Variants in KCNIP4 observed in about 807,000 individuals in gnomAD.
The protein encoded by KCNIP4 is Kv channel-interacting protein 4.
KCNIP4 carries 12 observed loss-of-function variants against 34.0 expected under a neutral mutation model. That is an observed-to-expected ratio of 0.35 (90% CI 0.23 to 0.57). The LOEUF (loss-of-function observed/expected upper bound fraction) is 0.57, where lower values mean the gene tolerates loss of function less well. Ranked by LOEUF, KCNIP4 falls within the 20% of genes least tolerant of loss-of-function variation. The pLI is 0.83. For synonymous variants in KCNIP4, 124 were observed against 102.2 expected (o/e 1.21, Z -1.29); for missense variants, 238 against 311.7 (o/e 0.76, Z 1.78).
At chr4:21,395,738 GTCA>G (rs934141331) in intron 1 of KCNIP4, among the ~76,000 whole-genome samples, 3 of 151,906 alleles carry the variant, frequency 2.0e-5, no homozygotes, top group Non-Finnish European at 2.9e-5. Context: ...ATACACATAT[GTCA>G]TCATCATCAT....
intron 1 of KCNIP4, among the ~76,000 whole-genome samples, chr4:21,672,284 T>C (rs2109010191): frequency 6.6e-6 from 1 of 152,274 alleles, no homozygotes; most frequent in East Asian, 1.9e-4. Context: ...AATATAATAA[T>C]TTAAAACAAA....
chr4:21,245,238 A>T (rs1309052651), intron 1 of KCNIP4, among the ~76,000 whole-genome samples: 1 of 152,204 alleles, frequency 6.6e-6, no homozygotes, highest in Non-Finnish European at 1.5e-5. Flanking sequence ...GCCTTTCACC[A>T]GGGAGTGAGA....
chr4:21,635,247 C>A (rs999654039), intron 1 of KCNIP4, among the ~76,000 whole-genome samples: 3 of 152,250 alleles, frequency 2.0e-5, no homozygotes, highest in Admixed American at 2.0e-4. Flanking sequence ...TAAATGGCAG[C>A]ATCCTTTCTA....
intron 1 of KCNIP4, among the ~76,000 whole-genome samples, chr4:21,588,481 T>C (rs7681243): frequency 0.068 from 10,270 of 152,036 alleles, 513 homozygotes; most frequent in African/African-American, 0.13. Flanking sequence ...TCTCCGATGG[T>C]TTGTAAGGCC....
At chr4:21,062,512 A>G (rs1449026580) in intron 1 of KCNIP4, among the ~76,000 whole-genome samples, 1 of 148,178 alleles carries the variant, frequency 6.7e-6, no homozygotes, top group Non-Finnish European at 1.5e-5. Context: ...AACCAATCAT[A>G]TATGTATGTG....
At chr4:20,988,792 G>A (rs1736820973) in intron 1 of KCNIP4, among the ~76,000 whole-genome samples, 2 of 152,156 alleles carry the variant, frequency 1.3e-5, no homozygotes, top group Admixed American at 6.5e-5. Flanking sequence ...GGAGACTCAG[G>A]AAAAACTCTC....
intron 1 of KCNIP4, among the ~76,000 whole-genome samples, chr4:21,132,398 C>T (rs34646819): frequency 0.012 from 1,799 of 152,276 alleles, 13 homozygotes; most frequent in South Asian, 0.02. Context: ...TTAGGAGAAG[C>T]CATTTATCCT....
rs558228136 is a variant in KCNIP4, at chr4:21,167,529, C to T, written c.62-284820G>A. 1.6e-4 allele frequency among the ~76,000 whole-genome samples: 25 copies of T among 152,272 alleles called. No individual in the cohort carries two copies. The South Asian group carries it at 5.0e-3, about 30-fold the overall frequency. Reference sequence around the variant, plus strand: ...GAATAGATAGTGTCTTTTCATTTAGCATGGCTAACATTTAACTTAAAAATT... The same window carrying T: ...GAATAGATAGTGTCTTTTCATTTAGTATGGCTAACATTTAACTTAAAAATT... On this transcript the variant is annotated intron_variant, in intron 1 of 8. Coordinates refer to ENST00000382152, the MANE Select transcript of KCNIP4 (RefSeq NM_025221.6).
At chr4:21,653,984 A>C (rs912137795) in intron 1 of KCNIP4, among the ~76,000 whole-genome samples, 4 of 152,206 alleles carry the variant, frequency 2.6e-5, no homozygotes, top group Non-Finnish European at 5.9e-5. Flanking sequence ...TTAATACTAG[A>C]AAGTACTCGA....
At chr4:21,143,871 T>A (rs774058739) in intron 1 of KCNIP4, among the ~76,000 whole-genome samples, 2 of 127,660 alleles carry the variant, frequency 1.6e-5, no homozygotes, top group Middle Eastern at 8.3e-3. Context: ...CCCAGCTAGT[T>A]TTTTTTTTTT....
chr4:21,354,712 C>A (rs1578119406), intron 1 of KCNIP4, among the ~76,000 whole-genome samples: 1 of 152,140 alleles, frequency 6.6e-6, no homozygotes, highest in Non-Finnish European at 1.5e-5. Context: ...GACTTTAACA[C>A]CCCACTGTCA....
At chr4:21,645,298 A>G (rs1012932157) in intron 1 of KCNIP4, among the ~76,000 whole-genome samples, 1 of 152,182 alleles carries the variant, frequency 6.6e-6, no homozygotes. Flanking sequence ...ACATTTAGTA[A>G]GCAATAGAAC....
At chr4:20,866,024 C>T (rs1722842409) in intron 2 of KCNIP4, among the ~76,000 whole-genome samples, 1 of 151,764 alleles carries the variant, frequency 6.6e-6, no homozygotes, top group Non-Finnish European at 1.5e-5. Flanking sequence ...AAGAACCTGC[C>T]AACTAAAAAA....
intron 1 of KCNIP4, among the ~76,000 whole-genome samples, chr4:21,552,621 G>T (rs1426817207): frequency 1.3e-5 from 2 of 152,114 alleles, no homozygotes; most frequent in Admixed American, 6.6e-5. Context: ...CTGCAACTGA[G>T]AATACTTTTA....
chr4:21,441,445 G>C (rs562711615), intron 1 of KCNIP4, among the ~76,000 whole-genome samples: 3 of 151,804 alleles, frequency 2.0e-5, no homozygotes, highest in Non-Finnish European at 2.9e-5. Context: ...GCCCGGCCAC[G>C]ACACCTTTCT....
chr4:21,928,131 C>T (rs201398391), intron 1 of KCNIP4, among the ~76,000 whole-genome samples: 34 of 105,864 alleles, frequency 3.2e-4, no homozygotes, highest in East Asian at 6.3e-4. Context: ...TATATATACA[C>T]ACACACACAC....
At chr4:21,500,194 C>T (rs550186959) in intron 1 of KCNIP4, among the ~76,000 whole-genome samples, 5 of 152,216 alleles carry the variant, frequency 3.3e-5, no homozygotes, top group Non-Finnish European at 5.9e-5. Flanking sequence ...ACAATACTAG[C>T]GTTTCGAAAA....
intron 1 of KCNIP4, among the ~76,000 whole-genome samples, chr4:20,929,631 A>AGG (rs202219715): frequency 0.18 from 27,749 of 151,720 alleles, 3,054 homozygotes; most frequent in East Asian, 0.47. Context: ...TCCCTTATGT[A>AGG]GAAAACCCTA....
chr4:21,574,364 A>G (rs1202464573), intron 1 of KCNIP4, among the ~76,000 whole-genome samples: 1 of 151,936 alleles, frequency 6.6e-6, no homozygotes, highest in East Asian at 1.9e-4. Context: ...TTTCTTGTAT[A>G]GAGATCAAAG....
Sources: gnomAD v4.1 joint callset for allele counts (sites outside exome capture counted in the v4.1 genomes callset) on GRCh38, gnomAD v4.1.1 for gene constraint, MANE v1.5 for transcripts, NCBI Gene and HGNC (gene_info 2026-07-23, HGNC 2026-07-21) for gene names.